Variants in DACH1 observed in about 807,000 individuals in gnomAD.
DACH1 encodes dachshund homolog 1.
Under a neutral mutation model 54.2 loss-of-function variants are expected in DACH1, and 12 were observed. The observed-to-expected ratio is 0.22, with a 90% CI of 0.14 to 0.36. The LOEUF is 0.36. Among genes scored for constraint, DACH1 ranks in the 10% least tolerant of loss-of-function variants. DACH1 has a pLI of 1.00. For missense variants in DACH1, 805 were observed against 929.8 expected, an observed-to-expected ratio of 0.87 and a Z score of 1.75; for synonymous variants, 386 against 366.2, an observed-to-expected ratio of 1.05 and a Z score of -0.62.
Position 71,658,029 on chromosome 13 carries a change from G to A in DACH1, c.964+23766C>T, listed in dbSNP as rs1879248466. Among the ~76,000 whole-genome samples, 3 of 152,124 alleles carry A rather than the reference G, an allele frequency of 2.0e-5. No homozygotes were observed. The South Asian group carries it at 6.2e-4, about 32-fold the overall frequency. On this transcript the variant is annotated intron_variant, in intron 2 of 10. Transcript: ENST00000613252. ...CTATTAAATACCTTAACACTAAAAT[G>A]AAAGTGTTCAGTGACTCAAAATAAA...
chr13:71,866,737 G>T lies in DACH1; in HGVS notation c.33C>A (p.Thr11=), dbSNP rs765727863. 3.9e-5 allele frequency: 56 copies of T among 1,427,796 alleles called. No homozygotes were observed. Among genetic ancestry groups the T allele is most frequent in the Non-Finnish European group, 4.9e-5 (53 of 1,081,704 alleles). The allele number at this position is 1,427,796 out of a possible 1,614,324, so 88.4% of individuals were successfully genotyped here. A position where few individuals can be genotyped will look rare whatever the true frequency, so the allele number is the denominator to read the frequency against. Residue 11 remains threonine (T), a synonymous_variant, in exon 1 of 11, where the codon ACC becomes ACA. Transcript: ENST00000613252. Reference sequence around the variant, plus strand: ...TTGGGGGTTGAGGGGGGACCAGCTGGGTCGGAGGGATCAAAGCCGCCGGCA... The same window carrying T: ...TTGGGGGTTGAGGGGGGACCAGCTGTGTCGGAGGGATCAAAGCCGCCGGCA... The part of the protein sequence containing the change: MAVPAALIPP[T]QLVPPQPPIS...
chr13:71,801,536 A>G (rs1414450766), intron 1 of DACH1, among the ~76,000 whole-genome samples: 7 of 152,126 alleles, frequency 4.6e-5, no homozygotes, highest in African/African-American at 1.7e-4. Context: ...ATTTACAAAA[A>G]AGTTTATCTC....
At chr13:71,831,756 A>G (rs942728018) in intron 1 of DACH1, among the ~76,000 whole-genome samples, 1 of 152,018 alleles carries the variant, frequency 6.6e-6, no homozygotes, top group Non-Finnish European at 1.5e-5. Context: ...CAATCCTAAC[A>G]TGGCCTTAAC....
intron 6 of DACH1, among the ~76,000 whole-genome samples, chr13:71,513,429 A>C (rs1248281981): frequency 2.0e-5 from 3 of 152,138 alleles, no homozygotes; most frequent in East Asian, 1.9e-4. Flanking sequence ...AGTGATGAAA[A>C]GGGCAGATAA....
chr13:71,864,180 T>TACACACACACACACACACACACAC (rs55651625), intron 1 of DACH1, among the ~76,000 whole-genome samples: 35 of 108,504 alleles, frequency 3.2e-4, no homozygotes, highest in African/African-American at 1.2e-3. Context: ...CGCGCGCACA[T>TACACACACACACACACACACACAC]ACACACACAC....
intron 2 of DACH1, among the ~76,000 whole-genome samples, chr13:71,673,829 A>G (rs1410340211): frequency 6.6e-6 from 1 of 152,222 alleles, no homozygotes; most frequent in Non-Finnish European, 1.5e-5. Context: ...TAGAGCATCA[A>G]TTTAGAGATT....
At chr13:71,682,450 G>A (rs558857346) in intron 1 of DACH1, among the ~76,000 whole-genome samples, 1 of 151,786 alleles carries the variant, frequency 6.6e-6, no homozygotes, top group South Asian at 2.1e-4. Context: ...CACATTTTTC[G>A]ATGATATGTT....
At chr13:71,711,665 T>G (rs902368904) in intron 1 of DACH1, among the ~76,000 whole-genome samples, 1 of 152,150 alleles carries the variant, frequency 6.6e-6, no homozygotes, top group Admixed American at 6.6e-5. Context: ...AATCTATCCT[T>G]CACATGTTAA....
At position 71,682,052 on chromosome 13, in the gene DACH1, A is replaced by G. The variant is rs994208372; in HGVS notation, c.849-142T>C. On this transcript the variant is annotated intron_variant, in intron 1 of 10. Coordinates refer to ENST00000613252, the MANE Select transcript of DACH1 (RefSeq NM_080759.6). ...TTGCAGTTAGATGTAATAGACTTCCATCACTAATTAGATTACATGCTGAAT... is the reference window on the plus strand; with the variant it reads ...TTGCAGTTAGATGTAATAGACTTCCGTCACTAATTAGATTACATGCTGAAT... 4 of 551,926 alleles carry G rather than the reference A, an allele frequency of 7.2e-6. No homozygotes were observed. The African/African-American group carries it at 7.6e-5, about 11-fold the overall frequency. 34.2% of individuals were successfully genotyped at this position (551,926 alleles called of 1,614,324 possible).
At chr13:71,861,249 AAT>A (rs1307985051) in intron 1 of DACH1, among the ~76,000 whole-genome samples, 2 of 152,020 alleles carry the variant, frequency 1.3e-5, no homozygotes, top group African/African-American at 4.8e-5. Flanking sequence ...TATTTTATAT[AAT>A]ATTTGAAGCT....
chr13:71,567,604 G>A (rs1322984160), intron 4 of DACH1, among the ~76,000 whole-genome samples: 1 of 151,958 alleles, frequency 6.6e-6, no homozygotes, highest in East Asian at 1.9e-4. Flanking sequence ...AGAAAATAAT[G>A]TTGGTATATA....
At chr13:71,766,288 A>C (rs1459285020) in intron 1 of DACH1, among the ~76,000 whole-genome samples, 4 of 152,286 alleles carry the variant, frequency 2.6e-5, no homozygotes, top group Non-Finnish European at 5.9e-5. Context: ...GTAGCCTTTA[A>C]GTACCTTAGA....
intron 7 of DACH1, among the ~76,000 whole-genome samples, chr13:71,482,420 G>T (rs1036694487): frequency 2.0e-5 from 3 of 152,104 alleles, no homozygotes; most frequent in African/African-American, 7.2e-5. Context: ...ATTTATTTCA[G>T]AATCAGACAA....
At chr13:71,514,972 A>T (rs1229492043) in intron 6 of DACH1, among the ~76,000 whole-genome samples, 1 of 151,906 alleles carries the variant, frequency 6.6e-6, no homozygotes, top group Non-Finnish European at 1.5e-5. Flanking sequence ...TCTTTTAATC[A>T]GTCAACCTCT....
At chr13:71,603,392 C>T (rs1874646539) in intron 3 of DACH1, among the ~76,000 whole-genome samples, 3 of 151,946 alleles carry the variant, frequency 2.0e-5, no homozygotes, top group Admixed American at 1.3e-4. Context: ...AAGAAGTGTG[C>T]CTACACCACA....
chr13:71,790,844 T>C (rs1229928330), intron 1 of DACH1, among the ~76,000 whole-genome samples: 3 of 152,248 alleles, frequency 2.0e-5, no homozygotes, highest in Non-Finnish European at 4.4e-5. Context: ...TTAGGTGTTC[T>C]TGTTTTATTC....
chr13:71,597,083 T>A (rs1314227684), intron 3 of DACH1, among the ~76,000 whole-genome samples: 1 of 152,192 alleles, frequency 6.6e-6, no homozygotes, highest in African/African-American at 2.4e-5. Flanking sequence ...TCACTTCAAA[T>A]TTATTCAATG....
intron 1 of DACH1, among the ~76,000 whole-genome samples, chr13:71,695,262 T>C (rs548630420): frequency 6.6e-6 from 1 of 152,318 alleles, no homozygotes; most frequent in Admixed American, 6.5e-5. Flanking sequence ...TCACTTCAAA[T>C]GCGTCCTCTC....
chr13:71,739,263 A>G (rs1229008465), intron 1 of DACH1, among the ~76,000 whole-genome samples: 3 of 152,104 alleles, frequency 2.0e-5, no homozygotes, highest in Non-Finnish European at 4.4e-5. Flanking sequence ...AATTCAAAAA[A>G]AAGAAAAAAA....
Sources: allele counts gnomAD v4.1 joint callset (sites outside exome capture counted in the v4.1 genomes callset), GRCh38; gene constraint gnomAD v4.1.1; transcripts MANE v1.5; gene names NCBI Gene and HGNC (gene_info 2026-07-23, HGNC 2026-07-21).